CYP2W1: variants seen among roughly 807,000 people sequenced by gnomAD.
The protein encoded by CYP2W1 is cytochrome P450 2W1.
A neutral mutation model predicts 44.9 loss-of-function variants in CYP2W1; 51 were observed. The ratio of observed to expected loss-of-function variants is 1.14; its 90% CI spans 0.91 to 1.43. The LOEUF (loss-of-function observed/expected upper bound fraction) is 1.43, where lower values mean the gene tolerates loss of function less well. CYP2W1 is among the 40% of genes most tolerant of loss of function. The probability of loss-of-function intolerance (pLI) is 0.00; values close to 1 mark genes in which losing one functional copy is unlikely to be tolerated. For synonymous variants in CYP2W1, 383 were observed against 338.3 expected (o/e 1.13, Z -1.45); for missense variants, 746 against 700.0 (o/e 1.07, Z -0.74).
Position 985,106 on chromosome 7 carries a change from A to AG in CYP2W1, c.487+12dup, listed in dbSNP as rs773319108. ...CAGCTGGATGGCTACAGAGGTGAGC[A>AG]GGGGGCCGGGGACGCCCCTCCCCGG... On this transcript the variant is annotated splice_region_variant and intron_variant, in intron 3 of 8. Coordinates refer to ENST00000308919, the MANE Select transcript of CYP2W1 (RefSeq NM_017781.3). 15 of 1,611,192 alleles carry AG rather than the reference A, an allele frequency of 9.3e-6. No homozygotes were observed. The highest frequency in any genetic ancestry group is 1.2e-5 in the Non-Finnish European group (14 of 1,179,218).
rs370910825 is a variant in CYP2W1, at chr7:988,806, C to T, written c.1457C>T (p.Ala486Val). The change falls in exon 9 of 9, where the codon GCG (alanine) becomes GTG (valine). Residue 486 changes from alanine to valine, a missense_variant. Coordinates refer to ENST00000308919, the MANE Select transcript of CYP2W1 (RefSeq NM_017781.3). ...TMRPRAQALC[A>V]VPRP ...AGGCCGAGGGCCCAGGCCCTGTGTGCGGTGCCCAGGCCCTAGGAGCTCCCC... is the reference window on the plus strand; with the variant it reads ...AGGCCGAGGGCCCAGGCCCTGTGTGTGGTGCCCAGGCCCTAGGAGCTCCCC... 1.1e-5 allele frequency: 18 copies of T among 1,583,212 alleles called. 1 individual carries two copies. Among genetic ancestry groups the T allele is most frequent in the African/African-American group, 4.0e-5 (3 of 74,638 alleles).
Position 985,252 on chromosome 7 carries a change from G to A in CYP2W1, c.574G>A (p.Asp192Asn). The change falls in exon 4 of 9, where the codon GAC becomes AAC. Residue 192 changes from aspartate (D) to asparagine (N), a missense_variant. Transcript: ENST00000308919. ...CTTCGGCCGCCGATTTGACTACCGG[G>A]ACCCCGTGTTTGTGTCCCTGCTGGG... ...LLFGRRFDYR[D>N]PVFVSLLGLI... 1.3e-6 allele frequency: 2 copies of A among 1,551,978 alleles called. No individual in the cohort carries two copies. The highest frequency in any genetic ancestry group is 8.7e-7 in the Non-Finnish European group (1 of 1,147,506).
intron 7 of CYP2W1, 137 bp downstream of exon 7, chr7:987,668 T>C: frequency 1.1e-6 from 1 of 894,808 alleles, no homozygotes; most frequent in Middle Eastern, 3.6e-4. Context: ...ATAAAGGGCG[T>C]CCAGCCAGGA....
In CYP2W1 at chr7:987,225, G is replaced by A; in HGVS notation, c.938G>A (p.Gly313Asp). 1 of 1,537,278 alleles carries A rather than the reference G, an allele frequency of 6.5e-7. No homozygotes were observed. ...ATLQWAALLM[G>D]RHPDVQGRVQ... ...CTGCAGTGGGCCGCACTTCTGATGG[G>A]CCGGCACCCGGACGTGCAGGGTGAG... The change falls in exon 6 of 9, where the codon GGC (glycine) becomes GAC (aspartate). Residue 313 changes from glycine (G) to aspartate (D), a missense_variant. Transcript: ENST00000308919.
intron 7 of CYP2W1, 136 bp from the exon 8 acceptor site, chr7:988,141 G>A: frequency 9.3e-7 from 1 of 1,073,356 alleles, no homozygotes; most frequent in Non-Finnish European, 1.3e-6. Context: ...GGGTTTGGGT[G>A]CCTCACCTGC....
In CYP2W1 at chr7:987,523, C is replaced by A; in HGVS notation, c.1135C>A (p.Leu379Ile). 1 of 1,524,942 alleles carries A rather than the reference C, an allele frequency of 6.6e-7. No individual in the cohort carries two copies. Among genetic ancestry groups the A allele is most frequent in the Non-Finnish European group, 8.8e-7 (1 of 1,137,566 alleles). The allele number at this position is 1,524,942 out of a possible 1,614,324, so 94.5% of individuals were successfully genotyped here. The change falls in exon 7 of 9, where the codon CTC (leucine) becomes ATC (isoleucine). Residue 379 changes from leucine (L) to isoleucine (I), a missense_variant. Leu to Ile is a conservative substitution (Grantham distance 5). Transcript: ENST00000308919. ...AADTQLGGFL[L>I]PKGTPVIPLL... Reference sequence around the variant, plus strand: ...CGACACACAGCTGGGCGGCTTCCTGCTCCCCAAGGTGGGGCTGGGCCTCCC... The same window carrying A: ...CGACACACAGCTGGGCGGCTTCCTGATCCCCAAGGTGGGGCTGGGCCTCCC...
chr7:984,452 G>A lies in CYP2W1; in HGVS notation c.215G>A (p.Gly72Glu). ...GGGCCGGTGTTCACCGTGCACCTGG[G>A]GCGCCAGAAGACGGTGGTGCTGACG... ...RYGPVFTVHL[G>E]RQKTVVLTGF... The change falls in exon 2 of 9, where the codon GGG becomes GAG. Residue 72 changes from glycine (G) to glutamate (E), a missense_variant. Physicochemically the swap from Gly to Glu is moderately conservative, Grantham distance 98. Coordinates refer to ENST00000308919, the MANE Select transcript of CYP2W1 (RefSeq NM_017781.3). 1 of 1,549,902 alleles carries A rather than the reference G, an allele frequency of 6.5e-7. No individual in the cohort carries two copies. Among genetic ancestry groups the A allele is most frequent in the Non-Finnish European group, 8.7e-7 (1 of 1,147,298 alleles).
chr7:984,674 C>T (rs1421258925), intron 2 of CYP2W1, 100 bp downstream of exon 2: 2 of 1,462,546 alleles, frequency 1.4e-6, no homozygotes, highest in African/African-American at 2.9e-5. Flanking sequence ...CCCAGGGTGG[C>T]CTGGGGAAGA....
chr7:984,992 A>G lies in CYP2W1; in HGVS notation c.380A>G (p.Gln127Arg). The G allele has an allele frequency of 6.2e-7, 1 of 1,610,330 alleles. No homozygotes were observed. The highest frequency in any genetic ancestry group is 1.1e-5 in the South Asian group (1 of 91,038). ...SSGARWRAAR[Q>R]FTVRALHSLG... ...GGGGCGCGCTGGAGGGCTGCCCGCCAGTTCACGGTGCGTGCCCTGCACAGC... is the reference window on the plus strand; with the variant it reads ...GGGGCGCGCTGGAGGGCTGCCCGCCGGTTCACGGTGCGTGCCCTGCACAGC... The change falls in exon 3 of 9, where the codon CAG (glutamine) becomes CGG (arginine). Residue 127 changes from glutamine to arginine, a missense_variant. Gln to Arg is a conservative substitution (Grantham distance 43). Coordinates refer to ENST00000308919, the MANE Select transcript of CYP2W1 (RefSeq NM_017781.3).
In CYP2W1 at chr7:987,184, G is replaced by C. The variant is rs1848421930; in HGVS notation, c.897G>C (p.Glu299Asp). The part of the protein sequence containing the change: ...CTLDMVMAGT[E>D]TTSATLQWAA... The stretch of plus-strand genomic sequence containing the variant: ...TGGACATGGTCATGGCCGGGACGGA[G>C]ACGACCTCGGCCACGCTGCAGTGGG... Residue 299 changes from glutamate to aspartate, a missense_variant, in exon 6 of 9, where the codon GAG (glutamate) becomes GAC (aspartate). Glu to Asp is a conservative substitution (Grantham distance 45). Coordinates refer to ENST00000308919, the MANE Select transcript of CYP2W1 (RefSeq NM_017781.3). 3.8e-6 allele frequency: 6 copies of C among 1,558,460 alleles called. No individual in the cohort carries two copies. The African/African-American group carries it at 8.2e-5, about 21-fold the overall frequency.
At chr7:984,797 G>A (rs1583225329) in intron 2 of CYP2W1, among the ~76,000 whole-genome samples, 153 bp from the exon 3 acceptor site, 3 of 152,204 alleles carry the variant, frequency 2.0e-5, no homozygotes, top group Admixed American at 6.5e-5. Context: ...GTCAAGAGGG[G>A]CCAGGGCCAG....
Position 986,689 on chromosome 7 carries a change from C to A in CYP2W1, c.711C>A (p.Ile237=), listed in dbSNP as rs373008734. 2 of 1,612,624 alleles carry A rather than the reference C, an allele frequency of 1.2e-6. No individual in the cohort carries two copies. The highest frequency in any genetic ancestry group is 1.7e-5 in the Admixed American group (1 of 60,006). Residue 237 remains isoleucine (I), a synonymous_variant, in exon 5 of 9, where the codon ATC becomes ATA. Coordinates refer to ENST00000308919, the MANE Select transcript of CYP2W1 (RefSeq NM_017781.3). The stretch of plus-strand genomic sequence containing the variant: ...TGCACCGGCCCGTCCTGCGCAAGAT[C>A]GAGGAGGTCCGTGCCATTCTGAGGA... The part of the protein sequence containing the change: ...LQLHRPVLRK[I]EEVRAILRTL...
In CYP2W1 at chr7:985,040, T is replaced by A. The variant is rs150742176; in HGVS notation, c.428T>A (p.Val143Glu). Residue 143 changes from valine (V) to glutamate (E), a missense_variant, in exon 3 of 9, where the codon GTG becomes GAG. Transcript: ENST00000308919. Reference protein sequence around the residue: ...LHSLGVGREPVADKILQELKC... With the variant: ...LHSLGVGREPEADKILQELKC... ...AGCCTGGGCGTGGGCCGGGAGCCGG[T>A]GGCTGACAAGATTCTGCAGGAGCTG... The A allele has an allele frequency of 5.1e-5, 83 of 1,612,494 alleles. No individual in the cohort carries two copies. In the African/African-American group the frequency reaches 1.0e-3, roughly 20 times the overall value.
At chr7:987,282 C>T (rs1490199846) in intron 6 of CYP2W1, 37 bp downstream of exon 6, 2 of 1,504,898 alleles carry the variant, frequency 1.3e-6, no homozygotes, top group East Asian at 5.0e-5. Context: ...GCTCCTTCTG[C>T]CCCCGGGGGA....
At chr7:988,007 G>GTCCCCTCTGTGTGTCCTGGGGA (rs1848522668) in intron 7 of CYP2W1, among the ~76,000 whole-genome samples, 1 of 146,362 alleles carries the variant, frequency 6.8e-6, no homozygotes, top group Admixed American at 6.8e-5. Context: ...GTCCTGGGGG[G>GTCCCCTCTGTGTGTCCTGGGGA]TCCCCTCTGT....
intron 4 of CYP2W1, 180 bp from the exon 5 acceptor site, chr7:986,444 T>G: frequency 3.0e-6 from 2 of 669,566 alleles, no homozygotes; most frequent in Admixed American, 3.1e-5. Flanking sequence ...GGACAGGGGG[T>G]TTCCTGGCAG....
Position 988,426 on chromosome 7 carries a change from G to GC in CYP2W1, c.1285+11dup. The GC allele has an allele frequency of 6.2e-7, 1 of 1,612,314 alleles. No individual in the cohort carries two copies. Among genetic ancestry groups the GC allele is most frequent in the South Asian group, 1.1e-5 (1 of 90,998 alleles). On this transcript the variant is annotated intron_variant, in intron 8 of 8. Transcript: ENST00000308919. ...TCCTGCCTTTCTCTGCAGGTCAGCA[G>GC]CCCTCGGGGCCGGGGTGGGGCGGCA...
At chr7:988,488 G>T in intron 8 of CYP2W1, 70 bp downstream of exon 8, 2 of 1,601,308 alleles carry the variant, frequency 1.2e-6, no homozygotes, top group Non-Finnish European at 1.7e-6. Flanking sequence ...CCCCAGCTCC[G>T]CCTGCCGCCT....
intron 4 of CYP2W1, chr7:986,304 T>C (rs1170528287): frequency 2.7e-6 from 1 of 370,904 alleles, no homozygotes; most frequent in Non-Finnish European, 5.0e-6. Flanking sequence ...AGGTCTGCTC[T>C]GTCTTCCATT....
Sources: allele counts gnomAD v4.1 joint callset (sites outside exome capture counted in the v4.1 genomes callset), GRCh38; gene constraint gnomAD v4.1.1; transcripts MANE v1.5; gene names NCBI Gene and HGNC (gene_info 2026-07-23, HGNC 2026-07-21).